Variants in SLIT3 observed in about 807,000 individuals in gnomAD.
The protein encoded by SLIT3 is slit guidance ligand 3.
In SLIT3, 68 loss-of-function variants were observed where a neutral mutation model predicts 184.0. The ratio of observed to expected loss-of-function variants is 0.37; its 90% confidence interval spans 0.30 to 0.45. The LOEUF is 0.45. Ranked by LOEUF, SLIT3 falls within the 20% of genes least tolerant of loss-of-function variation. The pLI is 1.00. For synonymous variants in SLIT3, 831 were observed against 828.6 expected (o/e 1.00, Z -0.05); for missense variants, 1,707 against 2,026.0 (o/e 0.84, Z 3.02).
chr5:169,157,606 A>G (rs139215537), intron 4 of SLIT3, among the ~76,000 whole-genome samples: 140 of 152,316 alleles, frequency 9.2e-4, no homozygotes, highest in African/African-American at 3.2e-3. Flanking sequence ...AGAAGATTCA[A>G]TAAGATCCAG....
intron 4 of SLIT3, among the ~76,000 whole-genome samples, chr5:168,930,327 C>T (rs1761947282): frequency 6.6e-6 from 1 of 152,204 alleles, no homozygotes; most frequent in South Asian, 2.1e-4. Flanking sequence ...ATTTTCTCTA[C>T]ACAAGCTTGC....
chr5:169,072,412 G>A lies in SLIT3; in HGVS notation c.413+121067C>T, dbSNP rs184212498. Among the ~76,000 whole-genome samples, 205 of 152,324 alleles carry A rather than the reference G, an allele frequency of 1.3e-3. 1 individual carries two copies. The highest frequency in any genetic ancestry group is 3.4e-3 in the Middle Eastern group (1 of 294). On this transcript the variant is annotated intron_variant, in intron 4 of 35. Transcript: ENST00000519560. ...CTAGTCCTTCCCCAATGGGTGGAGA[G>A]GAGCAAATGACTTCAGGCATGGATG...
rs568707656 is a variant in SLIT3 at position 168,933,549 on chromosome 5, C to A, written c.414-50213G>T. Reference sequence around the variant, plus strand: ...GAACAAGACTCCATCTCAAAACAAACAAACAAAAAAAACAGCCAGAGGAGG... The same window carrying A: ...GAACAAGACTCCATCTCAAAACAAAAAAACAAAAAAAACAGCCAGAGGAGG... On this transcript the variant is annotated intron_variant, in intron 4 of 35. Coordinates refer to ENST00000519560, the MANE Select transcript of SLIT3 (RefSeq NM_003062.4). Among the ~76,000 whole-genome samples, 229 of 147,422 alleles carry A rather than the reference C, an allele frequency of 1.6e-3. 3 individuals carry two copies. Among genetic ancestry groups the A allele is most frequent in the African/African-American group, 5.8e-3 (221 of 38,266 alleles).
At chr5:168,686,053 G>C (rs1292411370) in intron 30 of SLIT3, 126 bp from the exon 31 acceptor site, 6 of 1,127,578 alleles carry the variant, frequency 5.3e-6, no homozygotes, top group Non-Finnish European at 7.2e-6. Flanking sequence ...CTAGTTCTAG[G>C]GGCTAGTTCC....
chr5:169,203,617 A>G (rs1158419909), intron 3 of SLIT3, among the ~76,000 whole-genome samples: 1 of 152,198 alleles, frequency 6.6e-6, no homozygotes, highest in East Asian at 1.9e-4. Context: ...TCCCCGGATC[A>G]GAGTTTTTGC....
At chr5:168,998,081 C>A (rs1191864538) in intron 4 of SLIT3, among the ~76,000 whole-genome samples, 2 of 152,082 alleles carry the variant, frequency 1.3e-5, no homozygotes, top group Non-Finnish European at 2.9e-5. Context: ...CTGTGGGAGT[C>A]ACTTGGGACA....
At chr5:169,095,777 T>C (rs890578279) in intron 4 of SLIT3, among the ~76,000 whole-genome samples, 1 of 152,226 alleles carries the variant, frequency 6.6e-6, no homozygotes, top group African/African-American at 2.4e-5. Context: ...TGATTGGCAC[T>C]TGTGGTTCCT....
chr5:168,697,304 TAG>T (rs1230628652), intron 27 of SLIT3, among the ~76,000 whole-genome samples: 2 of 152,230 alleles, frequency 1.3e-5, no homozygotes, highest in African/African-American at 2.4e-5. Flanking sequence ...CACTTGTCTC[TAG>T]AGTGTTAAAT....
chr5:169,175,566 G>A (rs1404252464), intron 4 of SLIT3, among the ~76,000 whole-genome samples: 1 of 152,166 alleles, frequency 6.6e-6, no homozygotes, highest in East Asian at 1.9e-4. Flanking sequence ...AGCCCCTGGT[G>A]CTTTGTAAGC....
At chr5:169,019,945 G>A (rs1424222259) in intron 4 of SLIT3, among the ~76,000 whole-genome samples, 1 of 152,120 alleles carries the variant, frequency 6.6e-6, no homozygotes, top group African/African-American at 2.4e-5. Context: ...TTTTGCTTGG[G>A]AATAAGTGTT....
intron 4 of SLIT3, among the ~76,000 whole-genome samples, chr5:169,180,853 G>A (rs527379233): frequency 6.6e-6 from 1 of 152,302 alleles, no homozygotes; most frequent in African/African-American, 2.4e-5. Flanking sequence ...AGATAATGTT[G>A]TTTGATGGCT....
chr5:169,207,382 C>CAT, intron 3 of SLIT3, among the ~76,000 whole-genome samples: 1 of 149,414 alleles, frequency 6.7e-6, no homozygotes, highest in East Asian at 2.1e-4. Context: ...CACACACACA[C>CAT]ACACACACAC....
At position 169,188,882 on chromosome 5, in the gene SLIT3, C is replaced by T. The variant is rs78016993; in HGVS notation, c.413+4597G>A. Reference sequence around the variant, plus strand: ...AGGTTTCAGGATACACAGTGGGCAGCCCCTTAACCCTTTCACTTGACTACC... The same window carrying T: ...AGGTTTCAGGATACACAGTGGGCAGTCCCTTAACCCTTTCACTTGACTACC... On this transcript the variant is annotated intron_variant, in intron 4 of 35. Coordinates refer to ENST00000519560, the MANE Select transcript of SLIT3 (RefSeq NM_003062.4). Among the ~76,000 whole-genome samples, 4 of 152,246 alleles carry T rather than the reference C, an allele frequency of 2.6e-5. No homozygotes were observed. In the East Asian group the frequency reaches 7.7e-4, roughly 29 times the overall value.
At position 169,251,442 on chromosome 5, in the gene SLIT3, T is replaced by C. The variant is rs1224799471; in HGVS notation, c.215A>G (p.Asn72Ser). 2 of 1,613,238 alleles carry C rather than the reference T, an allele frequency of 1.2e-6. No individual in the cohort carries two copies. Among genetic ancestry groups the C allele is most frequent in the East Asian group, 2.2e-5 (1 of 44,864 alleles). Reference sequence around the variant, plus strand: ...GTCCATCTTGGTGATCCTGGTGATATTATTTCTGTCCAGGTCACTGCAATG... The same window carrying C: ...GTCCATCTTGGTGATCCTGGTGATACTATTTCTGTCCAGGTCACTGCAATG... ...NAERLDLDRN[N>S]ITRITKMDFA... is the part of the protein sequence containing the mutation. The change falls in exon 2 of 36, where the codon AAT becomes AGT. Residue 72 changes from asparagine to serine, a missense_variant. Transcript: ENST00000519560.
At position 168,789,562 on chromosome 5, in the gene SLIT3, C is replaced by G. The variant is rs755312911; in HGVS notation, c.1077G>C (p.Ser359=). ...GCCCCAACTCGGGCCCCACTTACAG[C>G]GATGTGAGTGATTTCAGGCCCTGGA... ...DAFQGLKSLT[S]LVLYGNKITE... The change falls in exon 11 of 36, where the codon TCG becomes TCC. Residue 359 remains serine (S), a splice_region_variant and synonymous_variant. Coordinates refer to ENST00000519560, the MANE Select transcript of SLIT3 (RefSeq NM_003062.4). The G allele has an allele frequency of 1.9e-6, 3 of 1,612,294 alleles. No individual in the cohort carries two copies. The highest frequency in any genetic ancestry group is 2.5e-6 in the Non-Finnish European group (3 of 1,179,052).
intron 3 of SLIT3, among the ~76,000 whole-genome samples, chr5:169,212,468 ATGT>A (rs751208530): frequency 6.6e-5 from 10 of 151,012 alleles, no homozygotes; most frequent in African/African-American, 1.9e-4. Flanking sequence ...TTGGGGTTGT[ATGT>A]TTTTTTTTCT....
intron 4 of SLIT3, among the ~76,000 whole-genome samples, chr5:169,138,748 C>T (rs934610512): frequency 4.6e-5 from 7 of 152,238 alleles, no homozygotes; most frequent in East Asian, 1.9e-4. Flanking sequence ...CATGCCCCCA[C>T]GCATGGCACA....
chr5:168,731,869 A>G (rs1326173601), intron 20 of SLIT3, among the ~76,000 whole-genome samples: 2 of 152,080 alleles, frequency 1.3e-5, no homozygotes, highest in Admixed American at 1.3e-4. Flanking sequence ...AGTTGAAAGG[A>G]TTCCCTCTAA....
chr5:168,835,634 C>A (rs1404085216), intron 6 of SLIT3, among the ~76,000 whole-genome samples: 3 of 151,836 alleles, frequency 2.0e-5, no homozygotes, highest in Non-Finnish European at 4.4e-5. Flanking sequence ...CGTGGTGAAA[C>A]CCCGTCTCTA....
Sources: gnomAD v4.1 joint callset for allele counts (sites outside exome capture counted in the v4.1 genomes callset) on GRCh38, gnomAD v4.1.1 for gene constraint, MANE v1.5 for transcripts, NCBI Gene and HGNC (gene_info 2026-07-23, HGNC 2026-07-21) for gene names.